Variants in CACNA1A observed in about 807,000 individuals in gnomAD.
The protein encoded by CACNA1A is calcium voltage-gated channel subunit alpha1 A.
CACNA1A carries 57 observed loss-of-function variants against 262.4 expected under a neutral mutation model. The ratio of observed to expected loss-of-function variants is 0.22; its 90% confidence interval spans 0.18 to 0.27. The LOEUF (loss-of-function observed/expected upper bound fraction) is 0.27. CACNA1A is among the 10% of genes least tolerant of loss of function. CACNA1A has a pLI of 1.00. For missense variants in CACNA1A, 2,526 were observed against 3,562.8 expected, an observed-to-expected ratio of 0.71 and a Z score of 7.41; for synonymous variants, 1,431 against 1,419.3, an observed-to-expected ratio of 1.01 and a Z score of -0.18.
chr19:13,394,214 G>C (rs2059770705), intron 3 of CACNA1A, among the ~76,000 whole-genome samples: 2 of 152,280 alleles, frequency 1.3e-5, no homozygotes, highest in South Asian at 4.1e-4. Flanking sequence ...AGGTCAGAGA[G>C]GTGGGGTCAC....
At chr19:13,303,957 G>T in intron 15 of CACNA1A, 73 bp from the exon 16 acceptor site, 1 of 1,046,888 alleles carries the variant, frequency 9.6e-7, no homozygotes, top group Non-Finnish European at 1.5e-6. Context: ...CAGCTGTGGA[G>T]CCGGAATCCG....
intron 28 of CACNA1A, 137 bp from the exon 29 acceptor site, chr19:13,255,396 T>A: frequency 1.3e-6 from 1 of 743,272 alleles, no homozygotes; most frequent in Non-Finnish European, 2.1e-6. Flanking sequence ...CCAGCCAGGA[T>A]TCCTGGGCTC....
intron 1 of CACNA1A, among the ~76,000 whole-genome samples, chr19:13,496,101 C>A (rs1260801885): frequency 6.6e-6 from 1 of 151,354 alleles, no homozygotes; most frequent in African/African-American, 2.4e-5. Flanking sequence ...CCCAGACATC[C>A]AACACTAACT....
At chr19:13,482,295 C>T (rs1206305277) in intron 1 of CACNA1A, among the ~76,000 whole-genome samples, 1 of 151,820 alleles carries the variant, frequency 6.6e-6, no homozygotes, top group East Asian at 1.9e-4. Context: ...ACCATCCTGG[C>T]TAGCAGTGAA....
chr19:13,362,024 T>TC (rs1382390264), intron 5 of CACNA1A: 4 of 106,408 alleles, frequency 3.8e-5, no homozygotes, highest in Admixed American at 1.1e-4. Flanking sequence ...CCTCTCTCTC[T>TC]TTTTTTTTTT....
Position 13,206,938 on chromosome 19 carries a change from A to G in CACNA1A, c.*375T>C. The G allele has an allele frequency of 7.5e-6, 1 of 133,782 alleles. No individual in the cohort carries two copies. Among genetic ancestry groups the G allele is most frequent in the East Asian group, 2.2e-4 (1 of 4,574 alleles). 8.3% of individuals were successfully genotyped at this position (133,782 alleles called of 1,614,324 possible). A position where few individuals can be genotyped will look rare whatever the true frequency, so the allele number is the denominator to read the frequency against. ...TTTTTTTCTCCCCGTTTTTTCTTTTAAAAATGTTTTTTTTTTTTTTTTTTT... is the reference window on the plus strand; with the variant it reads ...TTTTTTTCTCCCCGTTTTTTCTTTTGAAAATGTTTTTTTTTTTTTTTTTTT... On this transcript the variant is annotated 3_prime_UTR_variant, in exon 47 of 47. Coordinates refer to ENST00000360228, the MANE Select transcript of CACNA1A (RefSeq NM_001127222.2).
At chr19:13,302,713 C>T (rs1285330875) in intron 17 of CACNA1A, among the ~76,000 whole-genome samples, 1 of 152,240 alleles carries the variant, frequency 6.6e-6, no homozygotes, top group Admixed American at 6.5e-5. Flanking sequence ...GCCATGCCAG[C>T]CAGCTCCACA....
chr19:13,218,944 G>A (rs1429740063), intron 38 of CACNA1A, among the ~76,000 whole-genome samples: 1 of 152,202 alleles, frequency 6.6e-6, no homozygotes, highest in Non-Finnish European at 1.5e-5. Flanking sequence ...ATGTTGGCCA[G>A]GCTGGTCTCA....
chr19:13,459,468 G>A (rs60319238), intron 1 of CACNA1A, among the ~76,000 whole-genome samples: 1 of 152,190 alleles, frequency 6.6e-6, no homozygotes, highest in East Asian at 1.9e-4. Context: ...AGGGCAATTT[G>A]GGGAGCCAAC....
intron 10 of CACNA1A, among the ~76,000 whole-genome samples, chr19:13,326,903 TG>T (rs1230470512): frequency 1.8e-4 from 26 of 146,616 alleles, no homozygotes; most frequent in African/African-American, 6.0e-4. Flanking sequence ...TACTTTTTTT[TG>T]TTTTTTTTTT....
intron 40 of CACNA1A, among the ~76,000 whole-genome samples, chr19:13,213,174 TCTC>T (rs2054881003): frequency 6.6e-6 from 1 of 152,170 alleles, no homozygotes; most frequent in African/African-American, 2.4e-5. Context: ...CTTGCCCTTG[TCTC>T]CTCCCTGCTC....
At chr19:13,390,211 G>A (rs2059688142) in intron 3 of CACNA1A, among the ~76,000 whole-genome samples, 3 of 150,504 alleles carry the variant, frequency 2.0e-5, no homozygotes, top group Non-Finnish European at 4.4e-5. Context: ...CAAATTCCTG[G>A]GCTCAAGCAA....
chr19:13,308,389 A>C lies in CACNA1A; in HGVS notation c.1781+27T>G. On this transcript the variant is annotated intron_variant, in intron 13 of 46. Transcript: ENST00000360228. This position sits in a 1 kb window ranked among gnomAD's most constrained non-coding sequence, Gnocchi z 4.2. The stretch of plus-strand genomic sequence containing the variant: ...TGTCCCCCATCCCCACCCCCTGTAC[A>C]AATGTCCAGGAACCCCAAAGACTTA... The C allele has an allele frequency of 6.3e-7, 1 of 1,577,368 alleles. No individual in the cohort carries two copies. Among genetic ancestry groups the C allele is most frequent in the East Asian group, 2.3e-5 (1 of 44,394 alleles).
At chr19:13,445,688 T>C (rs1162685145) in intron 3 of CACNA1A, among the ~76,000 whole-genome samples, 3 of 152,194 alleles carry the variant, frequency 2.0e-5, no homozygotes, top group East Asian at 1.9e-4. Flanking sequence ...AAAAGAACTG[T>C]CATCTCAGAC....
chr19:13,368,969 C>T (rs1191650649), intron 4 of CACNA1A, among the ~76,000 whole-genome samples: 1 of 119,268 alleles, frequency 8.4e-6, no homozygotes, highest in African/African-American at 4.7e-5. Context: ...ACCCGGGAGG[C>T]GGAGCTTGCA....
chr19:13,391,999 T>C (rs2059717375), intron 3 of CACNA1A, among the ~76,000 whole-genome samples: 1 of 143,216 alleles, frequency 7.0e-6, no homozygotes, highest in Admixed American at 7.3e-5. Context: ...ATCATGCTAC[T>C]GCACTTGGTT....
intron 43 of CACNA1A, chr19:13,210,949 G>A (rs887376253): frequency 1.0e-5 from 5 of 502,340 alleles, no homozygotes; most frequent in East Asian, 6.7e-5. Context: ...AAGACAGGAC[G>A]GCGCAGCCTC....
At chr19:13,371,520 G>A (rs983002039) in intron 4 of CACNA1A, 168 bp downstream of exon 4, 2 of 600,788 alleles carry the variant, frequency 3.3e-6, no homozygotes, top group Middle Eastern at 4.5e-4. Flanking sequence ...CTCATGGGGA[G>A]CTACAGTCAT....
chr19:13,443,109 A>G (rs1350130963), intron 3 of CACNA1A, among the ~76,000 whole-genome samples: 3 of 151,464 alleles, frequency 2.0e-5, no homozygotes, highest in Admixed American at 2.0e-4. Context: ...CTGGAGTGCA[A>G]TAGTGTGTGT....
Sources: allele counts gnomAD v4.1 joint callset (sites outside exome capture counted in the v4.1 genomes callset), GRCh38; gene constraint gnomAD v4.1.1; non-coding constraint Gnocchi (gnomAD v3.1); transcripts MANE v1.5; gene names NCBI Gene and HGNC (gene_info 2026-07-23, HGNC 2026-07-21).